The following PTH2R variants were observed in gnomAD, a reference collection of about 807,000 sequenced individuals.
PTH2R encodes PTH2 receptor.
A neutral mutation model predicts 60.3 loss-of-function variants in PTH2R; 59 were observed. The observed-to-expected ratio is 0.98, with a 90% confidence interval of 0.79 to 1.22. The LOEUF (loss-of-function observed/expected upper bound fraction) is 1.22, where lower values mean the gene tolerates loss of function less well. Among genes scored for constraint, PTH2R ranks in the 50% most tolerant of loss-of-function variants. The probability of loss-of-function intolerance (pLI) is 0.00; values close to 1 mark genes in which losing one functional copy is unlikely to be tolerated. For synonymous variants in PTH2R, 256 were observed against 243.8 expected (o/e 1.05, Z -0.47); for missense variants, 749 against 682.6 (o/e 1.10, Z -1.08).
intron 1 of PTH2R, among the ~76,000 whole-genome samples, chr2:208,416,667 C>T (rs1218150044): frequency 6.6e-6 from 1 of 152,136 alleles, no homozygotes; most frequent in Admixed American, 6.5e-5. Context: ...GGGTGTTTCC[C>T]AAGGAGATTA....
At chr2:208,391,023 C>G (rs1360528544) in intron 1 of PTH2R, among the ~76,000 whole-genome samples, 2 of 152,146 alleles carry the variant, frequency 1.3e-5, no homozygotes, top group Non-Finnish European at 2.9e-5. Context: ...ATTCCTATGA[C>G]TTTTATTCCT....
intron 1 of PTH2R, among the ~76,000 whole-genome samples, chr2:208,414,950 A>G (rs1292152581): frequency 2.0e-5 from 3 of 152,170 alleles, no homozygotes; most frequent in Non-Finnish European, 4.4e-5. Flanking sequence ...AGTGTTTCTC[A>G]AAACTATTAA....
chr2:208,448,439 A>C (rs1001045936), intron 7 of PTH2R, among the ~76,000 whole-genome samples: 1 of 151,792 alleles, frequency 6.6e-6, no homozygotes, highest in African/African-American at 2.4e-5. Context: ...TCATGAGGTC[A>C]GGAGATCGAG....
rs139218475 is a variant in PTH2R at position 208,459,912 on chromosome 2, C to T, written c.932C>T (p.Ala311Val). ...LADARCWELS[A>V]GDIKWIYQAP... is the part of the protein sequence containing the mutation. ...TGTCTCAGGTGCTGGGAACTTAGTG[C>T]TGGAGACATCAAGTGGATTTATCAA... is the stretch of plus-strand genomic sequence containing the variant. The change falls in exon 9 of 13, where the codon GCT becomes GTT. Residue 311 changes from alanine (A) to valine (V), a missense_variant. Ala to Val is a moderately conservative substitution (Grantham distance 64, BLOSUM62 0). Coordinates refer to ENST00000272847, the MANE Select transcript of PTH2R (RefSeq NM_005048.4). The T allele has an allele frequency of 4.3e-6, 7 of 1,612,882 alleles. No homozygotes were observed. In the African/African-American group the frequency reaches 9.4e-5, roughly 22 times the overall value.
chr2:208,442,595 T>A (rs1702208881), intron 5 of PTH2R, 134 bp downstream of exon 5: 1 of 691,584 alleles, frequency 1.4e-6, no homozygotes, highest in Non-Finnish European at 2.5e-6. Flanking sequence ...AATGTTATTA[T>A]GTTATTTGAC....
At chr2:208,403,394 G>A (rs1193649330), upstream of PTH2R, among the ~76,000 whole-genome samples, 2 of 152,166 alleles carry the variant, frequency 1.3e-5, no homozygotes, top group Non-Finnish European at 2.9e-5. Context: ...ACAGAAGAGT[G>A]TGTCAACTCT....
At chr2:208,445,186 C>T (rs929169817) in intron 7 of PTH2R, among the ~76,000 whole-genome samples, 1 of 152,104 alleles carries the variant, frequency 6.6e-6, no homozygotes, top group Non-Finnish European at 1.5e-5. Context: ...ACATGTACAA[C>T]TAAATGTCAG....
intron 9 of PTH2R, among the ~76,000 whole-genome samples, chr2:208,462,300 A>C (rs2105889519): frequency 6.6e-6 from 1 of 152,344 alleles, no homozygotes; most frequent in East Asian, 1.9e-4. Flanking sequence ...AAAGGAAAGA[A>C]AAAATAGAAT....
At chr2:208,418,561 G>T (rs1206842412) in intron 1 of PTH2R, among the ~76,000 whole-genome samples, 2 of 151,592 alleles carry the variant, frequency 1.3e-5, no homozygotes, top group Non-Finnish European at 2.9e-5. Flanking sequence ...AATAAAATAA[G>T]CATAAAAGGG....
intron 1 of PTH2R, among the ~76,000 whole-genome samples, chr2:208,365,925 GATAA>G (rs1559198692): frequency 1.9e-5 from 1 of 52,934 alleles, no homozygotes; most frequent in Non-Finnish European, 3.2e-5. Flanking sequence ...TAATATAATA[GATAA>G]ATATATATAT....
chr2:208,393,185 G>T (rs1333222312), intron 1 of PTH2R, among the ~76,000 whole-genome samples: 2 of 152,168 alleles, frequency 1.3e-5, no homozygotes, highest in East Asian at 3.9e-4. Flanking sequence ...ATTCTCAGGA[G>T]GTTTTCTAGG....
Position 208,407,136 on chromosome 2 carries a change from G to T in PTH2R, c.75+18G>T. ...GAGCCCAGGTAAGAGCCAGTGCTCCGCGACACCTGTTTTCGCGGAGCCTCC... is the reference window on the plus strand; with the variant it reads ...GAGCCCAGGTAAGAGCCAGTGCTCCTCGACACCTGTTTTCGCGGAGCCTCC... On this transcript the variant is annotated intron_variant, in intron 1 of 12. Coordinates refer to ENST00000272847, the MANE Select transcript of PTH2R (RefSeq NM_005048.4). 7.1e-6 allele frequency: 10 copies of T among 1,402,244 alleles called. No individual in the cohort carries two copies. The highest frequency in any genetic ancestry group is 9.3e-6 in the Non-Finnish European group (10 of 1,071,264). The allele number at this position is 1,402,244 out of a possible 1,614,324, so 86.9% of individuals were successfully genotyped here.
intron 10 of PTH2R, among the ~76,000 whole-genome samples, chr2:208,486,346 T>C (rs1382612443): frequency 6.6e-6 from 1 of 152,260 alleles, no homozygotes; most frequent in African/African-American, 2.4e-5. Flanking sequence ...CCCAGATGGC[T>C]GAGCCTGGAG....
chr2:208,422,824 T>G (rs971446391), intron 1 of PTH2R, among the ~76,000 whole-genome samples: 7 of 152,182 alleles, frequency 4.6e-5, no homozygotes, highest in African/African-American at 1.7e-4. Context: ...ATAATAATAT[T>G]GATAACTGTC....
chr2:208,480,940 G>A, intron 9 of PTH2R, 130 bp from the exon 10 acceptor site: 2 of 622,974 alleles, frequency 3.2e-6, no homozygotes, highest in Non-Finnish European at 2.8e-6. Context: ...CTGATCTCAG[G>A]TTCCCCTGTT....
chr2:208,389,914 T>C (rs569763157), intron 1 of PTH2R, among the ~76,000 whole-genome samples: 1 of 152,288 alleles, frequency 6.6e-6, no homozygotes, highest in Admixed American at 6.5e-5. Context: ...AGTAAGCTGC[T>C]ACTATTAGCA....
intron 1 of PTH2R, among the ~76,000 whole-genome samples, chr2:208,411,963 G>A (rs1367167062): frequency 1.3e-5 from 2 of 152,086 alleles, no homozygotes; most frequent in Non-Finnish European, 2.9e-5. Flanking sequence ...ATTTTTAATG[G>A]AATGATTACT....
chr2:208,397,948 T>A (rs1159226627), intron 1 of PTH2R, among the ~76,000 whole-genome samples: 2 of 152,216 alleles, frequency 1.3e-5, no homozygotes, highest in African/African-American at 4.8e-5. Context: ...TGGAGCTGAT[T>A]TAAAAGAAAA....
intron 5 of PTH2R, among the ~76,000 whole-genome samples, chr2:208,442,868 CAT>C (rs1702214705): frequency 6.6e-6 from 1 of 152,152 alleles, no homozygotes; most frequent in African/African-American, 2.4e-5. Flanking sequence ...TCCACTTTAA[CAT>C]GTGTCCAATT....
Sources: allele counts gnomAD v4.1 joint callset (sites outside exome capture counted in the v4.1 genomes callset), GRCh38; gene constraint gnomAD v4.1.1; transcripts MANE v1.5; gene names NCBI Gene and HGNC (gene_info 2026-07-23, HGNC 2026-07-21).